Variants in FHIP2A observed in about 807,000 individuals in gnomAD.
FHIP2A encodes FHF complex subunit HOOK interacting protein 2A.
A neutral mutation model predicts 93.5 loss-of-function variants in FHIP2A; 46 were observed. The ratio of observed to expected loss-of-function variants is 0.49; its 90% confidence interval spans 0.39 to 0.63. The LOEUF is 0.63. Among genes scored for constraint, FHIP2A ranks in the 20% least tolerant of loss-of-function variants. The pLI is 0.00. For synonymous variants in FHIP2A, 332 were observed against 326.5 expected (o/e 1.02, Z -0.18); for missense variants, 769 against 909.7 (o/e 0.85, Z 1.99).
intron 16 of FHIP2A, among the ~76,000 whole-genome samples, chr10:114,876,751 A>G (rs1245331110): frequency 6.6e-6 from 1 of 152,070 alleles, no homozygotes; most frequent in Non-Finnish European, 1.5e-5. Context: ...AGGGCTCAGC[A>G]CGGCCCCCTG....
chr10:114,848,634 G>A lies in FHIP2A; in HGVS notation c.1713-13G>A, dbSNP rs115639379. ...ATGGACATCTTGCATAATTGTGGCC[G>A]TTTTCATTTAAGTTTTCTCTGTCTG... On this transcript the variant is annotated splice_polypyrimidine_tract_variant and intron_variant, in intron 12 of 16. Coordinates refer to ENST00000369248, the MANE Select transcript of FHIP2A (RefSeq NM_020940.4). 3,113 of 1,550,338 alleles carry A rather than the reference G, an allele frequency of 2.0e-3. 57 individuals carry two copies. In the African/African-American group the frequency reaches 0.037, roughly 18 times the overall value.
intron 14 of FHIP2A, among the ~76,000 whole-genome samples, chr10:114,857,938 A>T (rs1054817405): frequency 6.6e-6 from 1 of 152,236 alleles, no homozygotes; most frequent in East Asian, 1.9e-4. Flanking sequence ...AAGGAGGCCA[A>T]ATCTTGTCCC....
downstream of FHIP2A, among the ~76,000 whole-genome samples, chr10:114,868,681 G>T (rs2083842874): frequency 6.6e-6 from 1 of 152,104 alleles, no homozygotes; most frequent in African/African-American, 2.4e-5. Context: ...TACCACCATG[G>T]GTCACTTTGC....
At chr10:114,827,504 T>C (rs1018406808) in intron 1 of FHIP2A, among the ~76,000 whole-genome samples, 1 of 151,476 alleles carries the variant, frequency 6.6e-6, no homozygotes, top group African/African-American at 2.4e-5. Context: ...TGGTAAAGAG[T>C]ATCAAGGCAT....
Position 114,890,532 on chromosome 10 carries a change from CAT to C in FHIP2A, c.2193-8952_2193-8951del, listed in dbSNP as rs376168080. On this transcript the variant is annotated intron_variant, in intron 16 of 16. Coordinates refer to the FHIP2A transcript ENST00000369250. ...TATATAAAATATACGCTATATATGA[CAT>C]ATATAGTATATTAAATATACGCTAT... Among the ~76,000 whole-genome samples the C allele has an allele frequency of 9.5e-3, 1,391 of 146,164 alleles. 22 individuals carry two copies. Among genetic ancestry groups the C allele is most frequent in the African/African-American group, 0.034 (1,349 of 39,904 alleles).
At chr10:114,867,809 G>C (rs1388080107), downstream of FHIP2A, among the ~76,000 whole-genome samples, 2 of 152,172 alleles carry the variant, frequency 1.3e-5, no homozygotes, top group African/African-American at 2.4e-5. Flanking sequence ...ACAGGCCAGA[G>C]CTCACTCCTG....
chr10:114,889,854 C>A (rs2083961794), intron 16 of FHIP2A, among the ~76,000 whole-genome samples: 1 of 152,174 alleles, frequency 6.6e-6, no homozygotes, highest in Non-Finnish European at 1.5e-5. Flanking sequence ...CTCGCCTTAG[C>A]CTCTGTCCCT....
intron 16 of FHIP2A, among the ~76,000 whole-genome samples, chr10:114,892,115 T>A (rs891616316): frequency 6.6e-6 from 1 of 152,126 alleles, no homozygotes; most frequent in African/African-American, 2.4e-5. Flanking sequence ...ACTCTTTCTA[T>A]AAAATAGGCA....
At position 114,822,078 on chromosome 10, in the gene FHIP2A, G is replaced by C; in HGVS notation, c.-1G>C. 7.5e-7 allele frequency: 1 copy of C among 1,339,432 alleles called. No individual in the cohort carries two copies. The highest frequency in any genetic ancestry group is 9.8e-7 in the Non-Finnish European group (1 of 1,022,784). The allele number at this position is 1,339,432 out of a possible 1,614,324, so 83.0% of individuals were successfully genotyped here. ...AGAGGCTGCTGCAGTCCCGGGACAG[G>C]ATGTTCTCCAAGTTCACCTCCATCC... On this transcript the variant is annotated 5_prime_UTR_variant, in exon 1 of 17. Transcript: ENST00000369248.
intron 13 of FHIP2A, 120 bp downstream of exon 13, chr10:114,848,857 C>T (rs2083717686): frequency 2.9e-6 from 2 of 679,316 alleles, no homozygotes; most frequent in Non-Finnish European, 5.0e-6. Flanking sequence ...AAAAATGAGA[C>T]CTGGGCCGGG....
chr10:114,853,718 G>T (rs2083749648), intron 13 of FHIP2A, among the ~76,000 whole-genome samples: 1 of 152,144 alleles, frequency 6.6e-6, no homozygotes, highest in South Asian at 2.1e-4. Context: ...TGAGATTTGG[G>T]CCAGGCGCGG....
intron 16 of FHIP2A, among the ~76,000 whole-genome samples, chr10:114,895,584 A>ACCATTTT (rs2083997153): frequency 6.6e-6 from 1 of 152,132 alleles, no homozygotes. Flanking sequence ...TGGACCTTTA[A>ACCATTTT]CCATTCAGAT....
chr10:114,851,095 G>A (rs957000457), intron 13 of FHIP2A, among the ~76,000 whole-genome samples: 2 of 152,082 alleles, frequency 1.3e-5, no homozygotes, highest in Non-Finnish European at 1.5e-5. Context: ...TGTATTTTTA[G>A]TAGAGATGGA....
At chr10:114,872,617 G>T (rs2083865314) in intron 16 of FHIP2A, among the ~76,000 whole-genome samples, 1 of 152,090 alleles carries the variant, frequency 6.6e-6, no homozygotes, top group Non-Finnish European at 1.5e-5. Context: ...AATTACTACT[G>T]CCATTAGGAT....
chr10:114,859,032 C>CCCCAA (rs2083782742), intron 14 of FHIP2A, among the ~76,000 whole-genome samples: 3 of 151,592 alleles, frequency 2.0e-5, no homozygotes, highest in African/African-American at 7.3e-5. Context: ...TACCCAAAGC[C>CCCCAA]CCCAAGTATT....
At chr10:114,844,895 G>A (rs1465582625) in intron 7 of FHIP2A, among the ~76,000 whole-genome samples, 5 of 151,632 alleles carry the variant, frequency 3.3e-5, no homozygotes, top group Non-Finnish European at 7.4e-5. Context: ...AGTGATTCCC[G>A]TGCCTCAGCT....
chr10:114,847,033 GT>G (rs767647603), intron 11 of FHIP2A, 56 bp from the exon 12 acceptor site: 153 of 1,435,478 alleles, frequency 1.1e-4, no homozygotes, highest in Non-Finnish European at 1.4e-4. Flanking sequence ...GAATCTTTTG[GT>G]TTAGAAAATG....
chr10:114,890,531 A>T lies in FHIP2A; in HGVS notation c.2193-8959A>T, dbSNP rs986434188. Among the ~76,000 whole-genome samples the T allele has an allele frequency of 2.0e-5, 3 of 147,780 alleles. No homozygotes were observed. The East Asian group carries it at 5.8e-4, about 29-fold the overall frequency. On this transcript the variant is annotated intron_variant, in intron 16 of 16. Transcript: ENST00000369250. Reference sequence around the variant, plus strand: ...GTATATAAAATATACGCTATATATGACATATATAGTATATTAAATATACGC... The same window carrying T: ...GTATATAAAATATACGCTATATATGTCATATATAGTATATTAAATATACGC...
At chr10:114,825,710 G>A (rs570499125) in intron 1 of FHIP2A, among the ~76,000 whole-genome samples, 3 of 152,190 alleles carry the variant, frequency 2.0e-5, no homozygotes, top group Non-Finnish European at 4.4e-5. Flanking sequence ...AGTTAGTTCC[G>A]GGGTTAGATT....
Sources: gnomAD v4.1 joint callset for allele counts (sites outside exome capture counted in the v4.1 genomes callset) on GRCh38, gnomAD v4.1.1 for gene constraint, MANE v1.5 for transcripts, NCBI Gene and HGNC (gene_info 2026-07-23, HGNC 2026-07-21) for gene names.